F11R: variants seen among roughly 807,000 people sequenced by gnomAD.
The protein encoded by F11R is junctional adhesion molecule A.
In F11R, 27 loss-of-function variants were observed where a neutral mutation model predicts 39.3. The ratio of observed to expected loss-of-function variants is 0.69; its 90% CI spans 0.51 to 0.95. The LOEUF (loss-of-function observed/expected upper bound fraction) is 0.95. Among genes scored for constraint, F11R ranks in the 40% least tolerant of loss-of-function variants. The probability of loss-of-function intolerance (pLI) is 0.00; values close to 1 mark genes in which losing one functional copy is unlikely to be tolerated. For synonymous variants in F11R, 131 were observed against 144.9 expected, an observed-to-expected ratio of 0.90 and a Z score of 0.69; for missense variants, 335 against 372.7, an observed-to-expected ratio of 0.90 and a Z score of 0.83.
At chr1:161,020,585 C>A (rs1451991805) in intron 1 of F11R, among the ~76,000 whole-genome samples, 1 of 152,220 alleles carries the variant, frequency 6.6e-6, no homozygotes, top group Non-Finnish European at 1.5e-5. Context: ...GTTAAAGGAG[C>A]CAAGGCTCCC....
intron 1 of F11R, among the ~76,000 whole-genome samples, chr1:161,001,588 T>A (rs1336625579): frequency 1.3e-5 from 2 of 152,234 alleles, no homozygotes; most frequent in Admixed American, 6.5e-5. Context: ...GGAATGCAGT[T>A]TCTTTTGCTT....
rs565738788 is a variant in F11R at position 160,997,711 on chromosome 1, G to A, written c.*1160C>T. 6.5e-6 allele frequency: 1 copy of A among 152,744 alleles called. No individual in the cohort carries two copies. Among genetic ancestry groups the A allele is most frequent in the Non-Finnish European group, 1.5e-5 (1 of 68,064 alleles). The allele number at this position is 152,744 out of a possible 1,614,324, so 9.5% of individuals were successfully genotyped here. ...CAAAAAAGAGCCTTGACAAACCAAGGTTTTATTTCCAGCAACATTCAGCTG... is the reference window on the plus strand; with the variant it reads ...CAAAAAAGAGCCTTGACAAACCAAGATTTTATTTCCAGCAACATTCAGCTG... On this transcript the variant is annotated 3_prime_UTR_variant, in exon 10 of 10. Transcript: ENST00000368026.
At position 161,000,516 on chromosome 1, in the gene F11R, A is replaced by T. The variant is rs954760404; in HGVS notation, c.388+115T>A. 5.4e-6 allele frequency: 8 copies of T among 1,492,054 alleles called. No homozygotes were observed. In the Admixed American group the frequency reaches 7.0e-5, roughly 13 times the overall value. 92.4% of individuals were successfully genotyped at this position (1,492,054 alleles called of 1,614,324 possible). Reference sequence around the variant, plus strand: ...CATCTCCCTCTCTGGCAGCTCCAGGACTCTGAATAGCCCACCTGTGGGTAT... The same window carrying T: ...CATCTCCCTCTCTGGCAGCTCCAGGTCTCTGAATAGCCCACCTGTGGGTAT... On this transcript the variant is annotated intron_variant, in intron 4 of 9. Coordinates refer to ENST00000368026, the MANE Select transcript of F11R (RefSeq NM_016946.6).
chr1:161,002,970 T>G (rs1415112893), intron 1 of F11R, among the ~76,000 whole-genome samples: 1 of 142,630 alleles, frequency 7.0e-6, no homozygotes, highest in East Asian at 2.2e-4. Context: ...TTTTTTTTTT[T>G]GAGACGGAGT....
rs1248451719 is a variant in F11R at position 161,010,441 on chromosome 1, C to CAAAAAA, written c.65-9094_65-9089dup. On this transcript the variant is annotated intron_variant, in intron 1 of 9. Transcript: ENST00000368026. ...CCTGGGTGACAGAGCGAGACTCCAT[C>CAAAAAA]AAAAAAAAAAAAAAAACAGTTGATC... is the stretch of plus-strand genomic sequence containing the variant. Among the ~76,000 whole-genome samples, 11 of 80,270 alleles carry CAAAAAA rather than the reference C, an allele frequency of 1.4e-4. 3 individuals carry two copies. Among genetic ancestry groups the CAAAAAA allele is most frequent in the African/African-American group, 1.6e-4 (3 of 18,676 alleles). 52.7% of individuals were successfully genotyped at this position (80,270 alleles called of 152,430 possible).
chr1:161,001,062 C>T lies in F11R; in HGVS notation c.199G>A (p.Gly67Arg). 1.2e-6 allele frequency: 2 copies of T among 1,614,158 alleles called. No individual in the cohort carries two copies. Among genetic ancestry groups the T allele is most frequent in the Non-Finnish European group, 1.7e-6 (2 of 1,180,024 alleles). The part of the protein sequence containing the change: ...SPRVEWKFDQ[G>R]DTTRLVCYNN... ...TAGCAAACGAGTCTGGTGGTGTCTC[C>T]TTGGTCAAACTTCCACTCCACACGG... Residue 67 changes from glycine (G) to arginine (R), a missense_variant, in exon 3 of 10, where the codon GGA becomes AGA. By Grantham distance (125) the Gly-to-Arg change is moderately radical. Coordinates refer to ENST00000368026, the MANE Select transcript of F11R (RefSeq NM_016946.6).
Position 160,999,038 on chromosome 1 carries a change from C to G in F11R, c.864+5G>C. 1 of 1,614,246 alleles carries G rather than the reference C, an allele frequency of 6.2e-7. No individual in the cohort carries two copies. The highest frequency in any genetic ancestry group is 8.5e-7 in the Non-Finnish European group (1 of 1,180,042). ...CCCACCCCTGCCCAGGGGAGGCATA[C>G]TCACTTCACTTCGGGCACTAGGCTG... is the stretch of plus-strand genomic sequence containing the variant. On this transcript the variant is annotated splice_donor_5th_base_variant and intron_variant, in intron 9 of 9. Transcript: ENST00000368026.
chr1:161,021,060 G>A lies in F11R; in HGVS notation c.14C>T (p.Ala5Val). The A allele has an allele frequency of 6.2e-7, 1 of 1,613,752 alleles. No homozygotes were observed. The highest frequency in any genetic ancestry group is 8.5e-7 in the Non-Finnish European group (1 of 1,179,838). Reference protein sequence around the residue: MGTKAQVERKLLCLF... With the variant: MGTKVQVERKLLCLF... Reference sequence around the variant, plus strand: ...GCACAACAGTTTCCTCTCGACTTGCGCCTTTGTCCCCATCGCGATCAGGCT... The same window carrying A: ...GCACAACAGTTTCCTCTCGACTTGCACCTTTGTCCCCATCGCGATCAGGCT... Residue 5 changes from alanine to valine, a missense_variant, in exon 1 of 10, where the codon GCG becomes GTG. By Grantham distance (64) the Ala-to-Val change is moderately conservative (BLOSUM62 0). Coordinates refer to ENST00000368026, the MANE Select transcript of F11R (RefSeq NM_016946.6).
chr1:161,020,235 ACT>A (rs1557897070), intron 1 of F11R, among the ~76,000 whole-genome samples: 1 of 152,000 alleles, frequency 6.6e-6, no homozygotes, highest in Non-Finnish European at 1.5e-5. Context: ...GGAAACAAAA[ACT>A]CTCATACACA....
chr1:161,018,172 T>A (rs1183682677), intron 1 of F11R, among the ~76,000 whole-genome samples: 1 of 152,184 alleles, frequency 6.6e-6, no homozygotes. Context: ...TTTTCCCAAG[T>A]CCAGCTCTCC....
At chr1:161,015,064 C>A (rs1212125727) in intron 1 of F11R, among the ~76,000 whole-genome samples, 3 of 143,972 alleles carry the variant, frequency 2.1e-5, no homozygotes, top group Non-Finnish European at 3.0e-5. Context: ...GGTAACAGAG[C>A]AAGACTCCAT....
At chr1:161,012,599 A>AC (rs1649226116) in intron 1 of F11R, among the ~76,000 whole-genome samples, 1 of 90,868 alleles carries the variant, frequency 1.1e-5, no homozygotes, top group East Asian at 3.5e-4. Context: ...GAATTAATTA[A>AC]TTTTATTTAT....
intron 8 of F11R, 55 bp from the exon 9 acceptor site, chr1:160,999,146 C>T (rs1289763574): frequency 6.2e-7 from 1 of 1,610,402 alleles, no homozygotes; most frequent in African/African-American, 1.3e-5. Context: ...TTATTAACCT[C>T]CCCTTGCCAA....
rs539361880 is a variant in F11R at position 161,008,574 on chromosome 1, T to C, written c.65-7221A>G. On this transcript the variant is annotated intron_variant, in intron 1 of 9. Coordinates refer to ENST00000368026, the MANE Select transcript of F11R (RefSeq NM_016946.6). Reference sequence around the variant, plus strand: ...GCTAGCATTTATTGAGCACATACTATATTTGAGGCACTGTTGTAAGCATAT... The same window carrying C: ...GCTAGCATTTATTGAGCACATACTACATTTGAGGCACTGTTGTAAGCATAT... Among the ~76,000 whole-genome samples the C allele has an allele frequency of 8.5e-5, 13 of 152,280 alleles. No homozygotes were observed. In the South Asian group the frequency reaches 2.5e-3, roughly 29 times the overall value.
intron 1 of F11R, among the ~76,000 whole-genome samples, chr1:161,016,836 G>A (rs2101990598): frequency 6.6e-6 from 1 of 152,308 alleles, no homozygotes; most frequent in East Asian, 1.9e-4. Flanking sequence ...ACTCACCAGT[G>A]TGGGGAAAAG....
chr1:160,998,824 C>T lies in F11R; in HGVS notation c.*47G>A, dbSNP rs1352245260. The stretch of plus-strand genomic sequence containing the variant: ...GACATCAGGGGCCAGAGTCCGGTAG[C>T]ACCTGAGTAAGGCAAATGCAGATGA... On this transcript the variant is annotated 3_prime_UTR_variant, in exon 10 of 10. Coordinates refer to ENST00000368026, the MANE Select transcript of F11R (RefSeq NM_016946.6). 6.2e-7 allele frequency: 1 copy of T among 1,602,298 alleles called. No homozygotes were observed. Among genetic ancestry groups the T allele is most frequent in the Non-Finnish European group, 8.6e-7 (1 of 1,169,336 alleles).
intron 1 of F11R, among the ~76,000 whole-genome samples, chr1:161,014,620 G>C (rs1649347770): frequency 6.6e-6 from 1 of 152,212 alleles, no homozygotes. Flanking sequence ...GCTAAGACTG[G>C]AGGATTGCTT....
intron 1 of F11R, among the ~76,000 whole-genome samples, chr1:161,013,798 G>A (rs1649299374): frequency 6.6e-6 from 1 of 151,972 alleles, no homozygotes; most frequent in Non-Finnish European, 1.5e-5. Flanking sequence ...GCTCCCTCCC[G>A]CCCTCTCTGC....
At chr1:161,003,123 A>ATTT (rs755371627) in intron 1 of F11R, among the ~76,000 whole-genome samples, 24,798 of 105,378 alleles carry the variant, frequency 0.24, 3,647 homozygotes, top group Non-Finnish European at 0.28. Context: ...TAATTTTTGT[A>ATTT]TTTTTTTTTT....
Sources: allele counts gnomAD v4.1 joint callset (sites outside exome capture counted in the v4.1 genomes callset), GRCh38; gene constraint gnomAD v4.1.1; transcripts MANE v1.5; gene names NCBI Gene and HGNC (gene_info 2026-07-23, HGNC 2026-07-21).